The following ZNF385D variants were observed in gnomAD, a reference collection of about 807,000 sequenced individuals.
ZNF385D encodes the protein zinc finger protein 659.
Under a neutral mutation model 35.8 loss-of-function variants are expected in ZNF385D, and 15 were observed. That is an observed-to-expected ratio of 0.42 (90% CI 0.28 to 0.64). The LOEUF is 0.64. Among genes scored for constraint, ZNF385D ranks in the 30% least tolerant of loss-of-function variants. The pLI, the probability that ZNF385D is intolerant of heterozygous loss-of-function variation, is 0.23. For synonymous variants in ZNF385D, 212 were observed against 186.8 expected (o/e 1.13, Z -1.10); for missense variants, 474 against 494.6 (o/e 0.96, Z 0.39).
At chr3:22,318,200 T>C (rs1265565984) in intron 2 of ZNF385D, among the ~76,000 whole-genome samples, 1 of 152,108 alleles carries the variant, frequency 6.6e-6, no homozygotes, top group Non-Finnish European at 1.5e-5. Context: ...GAATAACTGA[T>C]GTAGCTAGGG....
chr3:21,570,507 G>A (rs1017637937), intron 2 of ZNF385D, among the ~76,000 whole-genome samples: 4 of 152,276 alleles, frequency 2.6e-5, no homozygotes, highest in South Asian at 2.1e-4. Context: ...CAATTTCACA[G>A]TTCTTAAACC....
chr3:21,634,923 G>T (rs1293536691), intron 2 of ZNF385D, among the ~76,000 whole-genome samples: 1 of 151,868 alleles, frequency 6.6e-6, no homozygotes, highest in Non-Finnish European at 1.5e-5. Context: ...TCAAGCAAAT[G>T]AATTTATTCA....
At chr3:22,110,321 G>A (rs62246421) in intron 3 of ZNF385D, among the ~76,000 whole-genome samples, 20,084 of 150,700 alleles carry the variant, frequency 0.13, 1,494 homozygotes, top group Middle Eastern at 0.21. Context: ...TCATGCTGCT[G>A]TAAAGACACA....
At chr3:21,972,469 T>C (rs757682012) in intron 3 of ZNF385D, among the ~76,000 whole-genome samples, 3 of 151,896 alleles carry the variant, frequency 2.0e-5, no homozygotes, top group Non-Finnish European at 2.9e-5. Flanking sequence ...CATAAGTGCC[T>C]ATATAAAAAA....
intron 2 of ZNF385D, among the ~76,000 whole-genome samples, chr3:22,242,452 C>A (rs1212531574): frequency 6.6e-6 from 1 of 150,688 alleles, no homozygotes; most frequent in African/African-American, 2.5e-5. Context: ...CACGTAAACC[C>A]TGAAATGAAG....
At chr3:22,213,879 C>A in intron 2 of ZNF385D, among the ~76,000 whole-genome samples, 1 of 151,706 alleles carries the variant, frequency 6.6e-6, no homozygotes, top group Non-Finnish European at 1.5e-5. Context: ...TTCTCTCCTT[C>A]TTAAGGAGAG....
intron 2 of ZNF385D, among the ~76,000 whole-genome samples, chr3:22,213,286 T>C (rs1013991319): frequency 3.9e-5 from 6 of 152,066 alleles, no homozygotes; most frequent in Non-Finnish European, 8.8e-5. Flanking sequence ...CTTCTGTTTT[T>C]GTTTTGTATT....
intron 3 of ZNF385D, among the ~76,000 whole-genome samples, chr3:22,058,785 C>T (rs941074552): frequency 1.3e-5 from 2 of 152,046 alleles, no homozygotes; most frequent in Non-Finnish European, 2.9e-5. Flanking sequence ...AAATTTTAAC[C>T]ATAATTTGTA....
intron 3 of ZNF385D, among the ~76,000 whole-genome samples, chr3:22,142,048 G>T: frequency 6.6e-6 from 1 of 152,140 alleles, no homozygotes; most frequent in East Asian, 1.9e-4. Flanking sequence ...ACAGTTTATT[G>T]TGAGTAACTG....
intron 3 of ZNF385D, among the ~76,000 whole-genome samples, chr3:21,798,551 CT>C (rs145358871): frequency 0.017 from 2,519 of 152,252 alleles, 73 homozygotes; most frequent in African/African-American, 0.057. Context: ...ATTGGCTCAT[CT>C]AATTAGGTCA....
At chr3:22,236,860 T>C (rs1236537644) in intron 2 of ZNF385D, among the ~76,000 whole-genome samples, 2 of 152,184 alleles carry the variant, frequency 1.3e-5, no homozygotes, top group Non-Finnish European at 2.9e-5. Context: ...CATGGATCAG[T>C]ATTTCAATTT....
chr3:21,753,778 T>C (rs1323528728), upstream of ZNF385D, among the ~76,000 whole-genome samples: 1 of 108,840 alleles, frequency 9.2e-6, no homozygotes, highest in African/African-American at 3.5e-5. Flanking sequence ...TTGTTGTTGT[T>C]GTTGTTGTTG....
chr3:21,815,548 A>T (rs1402031448), intron 3 of ZNF385D, among the ~76,000 whole-genome samples: 5 of 152,244 alleles, frequency 3.3e-5, no homozygotes, highest in Non-Finnish European at 5.9e-5. Flanking sequence ...AATACTATAA[A>T]CACCTCTCCA....
At chr3:21,665,964 C>A (rs573602966) in intron 1 of ZNF385D, among the ~76,000 whole-genome samples, 40 of 152,302 alleles carry the variant, frequency 2.6e-4, no homozygotes, top group African/African-American at 9.4e-4. Flanking sequence ...AAGCAACAGA[C>A]TGTAAAAACC....
At chr3:22,203,702 C>A (rs1696957891) in intron 2 of ZNF385D, among the ~76,000 whole-genome samples, 1 of 152,086 alleles carries the variant, frequency 6.6e-6, no homozygotes, top group African/African-American at 2.4e-5. Context: ...GGCAGTAGTC[C>A]AAATGGACCG....
At chr3:21,650,408 C>G (rs2065876430) in intron 2 of ZNF385D, among the ~76,000 whole-genome samples, 1 of 152,078 alleles carries the variant, frequency 6.6e-6, no homozygotes, top group East Asian at 1.9e-4. Flanking sequence ...CCTCTCCCTG[C>G]CAATTACTGT....
intron 2 of ZNF385D, among the ~76,000 whole-genome samples, chr3:21,662,498 G>T (rs150645417): frequency 6.6e-6 from 1 of 152,054 alleles, no homozygotes; most frequent in African/African-American, 2.4e-5. Context: ...TATACATACC[G>T]AATTTTTGGG....
At chr3:21,664,790 T>A in intron 2 of ZNF385D, 96 bp downstream of exon 2, 1 of 1,524,324 alleles carries the variant, frequency 6.6e-7, no homozygotes, top group Non-Finnish European at 9.0e-7. Flanking sequence ...ATGAACAATA[T>A]AGCAAAATGG....
At chr3:22,238,724 AAT>A (rs564983799) in intron 2 of ZNF385D, among the ~76,000 whole-genome samples, 1 of 150,702 alleles carries the variant, frequency 6.6e-6, no homozygotes, top group East Asian at 2.0e-4. Flanking sequence ...AATGTTTCTT[AAT>A]ATTTTTTATA....
Sources: allele counts gnomAD v4.1 joint callset (sites outside exome capture counted in the v4.1 genomes callset), GRCh38; gene constraint gnomAD v4.1.1; transcripts MANE v1.5; gene names NCBI Gene and HGNC (gene_info 2026-07-23, HGNC 2026-07-21).